The following SYCP1 variants were observed in gnomAD, a reference collection of about 807,000 sequenced individuals.
The protein encoded by SYCP1 is synaptonemal complex protein 1.
SYCP1 carries 64 observed loss-of-function variants against 153.1 expected under a neutral mutation model. The observed-to-expected ratio is 0.42, with a 90% CI of 0.34 to 0.51. SYCP1 has a LOEUF of 0.51. Ranked by LOEUF, SYCP1 falls within the 20% of genes least tolerant of loss-of-function variation. The pLI is 0.06. For missense variants in SYCP1, 997 were observed against 1,049.0 expected, an observed-to-expected ratio of 0.95 and a Z score of 0.68; for synonymous variants, 384 against 341.8, an observed-to-expected ratio of 1.12 and a Z score of -1.36.
chr1:114,980,115 A>G lies in SYCP1; in HGVS notation c.2383-1221A>G, dbSNP rs568377843. Among the ~76,000 whole-genome samples the G allele has an allele frequency of 1.4e-3, 220 of 151,822 alleles. 1 individual carries two copies. The highest frequency in any genetic ancestry group is 2.5e-3 in the Non-Finnish European group (171 of 67,834). On this transcript the variant is annotated intron_variant, in intron 28 of 31. Coordinates refer to ENST00000369522, the MANE Select transcript of SYCP1 (RefSeq NM_003176.4). ...AAGGCAGTAGGAGAACTGAAAGAAC[A>G]CGATTCTAGAAAAAGGGGAATTTGA... is the stretch of plus-strand genomic sequence containing the variant.
chr1:114,963,290 T>C (rs1407026073), intron 27 of SYCP1, among the ~76,000 whole-genome samples: 1 of 152,220 alleles, frequency 6.6e-6, no homozygotes, highest in Non-Finnish European at 1.5e-5. Context: ...TTTCTCTTCT[T>C]CCTGAGGAAC....
intron 12 of SYCP1, among the ~76,000 whole-genome samples, chr1:114,879,335 A>T (rs1214736145): frequency 6.6e-6 from 1 of 152,180 alleles, no homozygotes. Flanking sequence ...GGTTTCTGCC[A>T]ATCTATACCT....
At chr1:114,948,119 A>G (rs1175360891) in intron 27 of SYCP1, among the ~76,000 whole-genome samples, 2 of 151,948 alleles carry the variant, frequency 1.3e-5, no homozygotes, top group African/African-American at 4.8e-5. Context: ...ATGCTTATAT[A>G]TTTAGATATG....
At chr1:114,865,236 A>G (rs1664660387) in intron 8 of SYCP1, among the ~76,000 whole-genome samples, 1 of 151,760 alleles carries the variant, frequency 6.6e-6, no homozygotes, top group Non-Finnish European at 1.5e-5. Context: ...TTTTTTTGCC[A>G]TAGATCCTAG....
At chr1:114,863,951 A>G (rs1263874697) in intron 8 of SYCP1, among the ~76,000 whole-genome samples, 3 of 145,834 alleles carry the variant, frequency 2.1e-5, no homozygotes, top group Non-Finnish European at 4.5e-5. Flanking sequence ...GGAGGGGAAC[A>G]TCACACACCC....
chr1:114,864,408 A>T (rs572109660), intron 8 of SYCP1, among the ~76,000 whole-genome samples: 18 of 152,056 alleles, frequency 1.2e-4, no homozygotes, highest in African/African-American at 3.1e-4. Flanking sequence ...TAATGAGGCC[A>T]CTGTTCTGTA....
intron 12 of SYCP1, among the ~76,000 whole-genome samples, chr1:114,881,794 G>A (rs950927070): frequency 1.3e-5 from 2 of 152,098 alleles, no homozygotes; most frequent in Non-Finnish European, 2.9e-5. Flanking sequence ...GAACCACCAC[G>A]CCTGGCTTAC....
At position 114,944,442 on chromosome 1, in the gene SYCP1, A is replaced by G. The variant is rs1310452637; in HGVS notation, c.2030A>G (p.Asn677Ser). The change falls in exon 24 of 32, where the codon AAT becomes AGT. Residue 677 changes from asparagine (N) to serine (S), a missense_variant. Physicochemically the swap from Asn to Ser is conservative, Grantham distance 46 (BLOSUM62 1). Transcript: ENST00000369522. The part of the protein sequence containing the change: ...EIEDKKISEE[N>S]LLEEVEKAKV... ...GAGGACAAAAAGATATCAGAAGAAA[A>G]TCTTTTGGAAGAGGTGGGAAAAACT... 3.1e-6 allele frequency: 5 copies of G among 1,590,476 alleles called. No individual in the cohort carries two copies. Among genetic ancestry groups the G allele is most frequent in the Admixed American group, 3.5e-5 (2 of 57,080 alleles).
At chr1:114,949,740 T>C (rs1462727651) in intron 27 of SYCP1, among the ~76,000 whole-genome samples, 1 of 152,188 alleles carries the variant, frequency 6.6e-6, no homozygotes, top group Non-Finnish European at 1.5e-5. Context: ...TCTTAAGTAT[T>C]AGTCTGTTTT....
rs774906396 is a variant in SYCP1, at chr1:114,856,675, C to T, written c.193+18C>T. The T allele has an allele frequency of 6.4e-7, 1 of 1,570,646 alleles. No homozygotes were observed. The highest frequency in any genetic ancestry group is 8.7e-7 in the Non-Finnish European group (1 of 1,147,074). On this transcript the variant is annotated intron_variant, in intron 3 of 31. Transcript: ENST00000369522. ...TGATTCAGGTAGGAGCATGGAAAAG[C>T]AGTGTATCAGCTTATATAGAAACAT...
At chr1:114,928,767 C>T (rs72695811) in intron 23 of SYCP1, among the ~76,000 whole-genome samples, 9,263 of 152,176 alleles carry the variant, frequency 0.061, 321 homozygotes, top group Middle Eastern at 0.14. Flanking sequence ...AATATTAACA[C>T]TTAAATAGAG....
chr1:114,958,507 GATT>G (rs1671574353), intron 27 of SYCP1, among the ~76,000 whole-genome samples: 2 of 151,914 alleles, frequency 1.3e-5, no homozygotes, highest in Admixed American at 1.3e-4. Flanking sequence ...CTCTGATTTT[GATT>G]ATTATGTATC....
At chr1:114,971,727 A>T (rs1027127428) in intron 27 of SYCP1, among the ~76,000 whole-genome samples, 1 of 152,136 alleles carries the variant, frequency 6.6e-6, no homozygotes, top group African/African-American at 2.4e-5. Flanking sequence ...ACACTGATTT[A>T]TTTGTGTATG....
intron 22 of SYCP1, 50 bp downstream of exon 22, chr1:114,926,390 C>T: frequency 1.4e-6 from 2 of 1,478,034 alleles, no homozygotes; most frequent in Non-Finnish European, 1.8e-6. Context: ...ATTTTCACCA[C>T]AGTTTTAGAG....
intron 27 of SYCP1, among the ~76,000 whole-genome samples, chr1:114,951,525 C>T (rs1484662287): frequency 6.6e-6 from 1 of 152,150 alleles, no homozygotes; most frequent in Non-Finnish European, 1.5e-5. Flanking sequence ...AGAAAACAGA[C>T]TGAAAAACAT....
At chr1:114,892,123 T>A (rs1219174548) in intron 15 of SYCP1, among the ~76,000 whole-genome samples, 3 of 151,938 alleles carry the variant, frequency 2.0e-5, no homozygotes, top group African/African-American at 7.2e-5. Flanking sequence ...GATGGGGCAG[T>A]GTGATCCCTA....
intron 27 of SYCP1, among the ~76,000 whole-genome samples, chr1:114,974,736 G>A (rs903645298): frequency 1.3e-5 from 2 of 151,614 alleles, no homozygotes; most frequent in Non-Finnish European, 3.0e-5. Context: ...TTTTTCTTTT[G>A]ATGGACATTT....
At chr1:114,871,471 C>T (rs762419629) in intron 8 of SYCP1, among the ~76,000 whole-genome samples, 4 of 151,928 alleles carry the variant, frequency 2.6e-5, no homozygotes, top group Admixed American at 6.6e-5. Context: ...CCCGGCTGGC[C>T]TCCTCCCGTC....
intron 28 of SYCP1, among the ~76,000 whole-genome samples, chr1:114,980,005 T>TTG: frequency 6.6e-6 from 1 of 151,676 alleles, no homozygotes; most frequent in Non-Finnish European, 1.5e-5. Context: ...TATTCCCTTT[T>TTG]TGTGTGTGTG....
Sources: gnomAD v4.1 joint callset for allele counts (sites outside exome capture counted in the v4.1 genomes callset) on GRCh38, gnomAD v4.1.1 for gene constraint, MANE v1.5 for transcripts, NCBI Gene and HGNC (gene_info 2026-07-23, HGNC 2026-07-21) for gene names.